TMEM144: variants seen among roughly 807,000 people sequenced by gnomAD.
TMEM144 encodes the protein transmembrane protein 144.
In TMEM144, 39 loss-of-function variants were observed where a neutral mutation model predicts 43.6. The ratio of observed to expected loss-of-function variants is 0.90; its 90% CI spans 0.69 to 1.17. TMEM144 has a LOEUF of 1.17. TMEM144 is among the 50% of genes most tolerant of loss of function. The pLI, the probability that TMEM144 is intolerant of heterozygous loss-of-function variation, is 0.00. For synonymous variants in TMEM144, 154 were observed against 133.6 expected, an observed-to-expected ratio of 1.15 and a Z score of -1.06; for missense variants, 417 against 411.9, an observed-to-expected ratio of 1.01 and a Z score of -0.11.
Position 158,253,855 on chromosome 4 carries a change from CA to C in TMEM144, c.*329del, listed in dbSNP as rs1662794171. 1 of 265,358 alleles carries C rather than the reference CA, an allele frequency of 3.8e-6. No homozygotes were observed. Among genetic ancestry groups the C allele is most frequent in the African/African-American group, 2.2e-5 (1 of 44,658 alleles). 16.4% of individuals were successfully genotyped at this position (265,358 alleles called of 1,614,324 possible). ...ACCTAGTGTTGCATAATCTAGAACA[CA>C]GTATAGAGTCCATATACAAAGAAGT... On this transcript the variant is annotated 3_prime_UTR_variant, in exon 13 of 13. Transcript: ENST00000296529.
intron 6 of TMEM144, among the ~76,000 whole-genome samples, chr4:158,232,424 G>A (rs569958154): frequency 3.9e-5 from 6 of 152,196 alleles, no homozygotes; most frequent in African/African-American, 1.4e-4. Context: ...GATTGGTAAG[G>A]TCAGAAGTGG....
chr4:158,228,881 C>T (rs1734915129), intron 6 of TMEM144, among the ~76,000 whole-genome samples: 1 of 152,102 alleles, frequency 6.6e-6, no homozygotes, highest in East Asian at 1.9e-4. Flanking sequence ...CAATTCCTGT[C>T]CCTTTTAAGG....
intron 12 of TMEM144, among the ~76,000 whole-genome samples, chr4:158,250,164 T>C (rs940105944): frequency 6.7e-6 from 1 of 148,638 alleles, no homozygotes; most frequent in Non-Finnish European, 1.5e-5. Flanking sequence ...GTTAGTAACA[T>C]AATTATTTGA....
intron 5 of TMEM144, 112 bp from the exon 6 acceptor site, chr4:158,219,198 G>T: frequency 1.0e-6 from 1 of 978,682 alleles, no homozygotes; most frequent in South Asian, 1.5e-5. Flanking sequence ...CAGCTAATAA[G>T]TGAGAGAGCT....
Position 158,215,180 on chromosome 4 carries a change from T to G in TMEM144, c.110-11T>G, listed in dbSNP as rs745361133. 1.2e-6 allele frequency: 2 copies of G among 1,613,552 alleles called. No homozygotes were observed. The highest frequency in any genetic ancestry group is 1.7e-6 in the Non-Finnish European group (2 of 1,179,548). ...ATTTGAACCACTAACACTGAGTTTGTTTATTTCTAGGAATGTTTCTCCAGT... is the reference window on the plus strand; with the variant it reads ...ATTTGAACCACTAACACTGAGTTTGGTTATTTCTAGGAATGTTTCTCCAGT... On this transcript the variant is annotated splice_polypyrimidine_tract_variant and intron_variant, in intron 3 of 12. Transcript: ENST00000296529.
chr4:158,249,063 C>T (rs567942841), intron 12 of TMEM144, among the ~76,000 whole-genome samples: 59 of 152,160 alleles, frequency 3.9e-4, no homozygotes, highest in African/African-American at 3.1e-4. Context: ...CCCGCCACCA[C>T]GCCCAGCTAA....
chr4:158,236,291 A>T (rs1011143937), intron 8 of TMEM144, among the ~76,000 whole-genome samples: 5 of 152,238 alleles, frequency 3.3e-5, no homozygotes, highest in Non-Finnish European at 7.3e-5. Flanking sequence ...TGAAAGAATA[A>T]CAAACAACAT....
intron 3 of TMEM144, 114 bp from the exon 4 acceptor site, chr4:158,215,077 A>C: frequency 7.7e-7 from 1 of 1,300,008 alleles, no homozygotes. Flanking sequence ...AGTCCATGGC[A>C]TATGGCATTT....
chr4:158,218,893 G>A (rs1395716434), intron 5 of TMEM144, among the ~76,000 whole-genome samples: 2 of 152,014 alleles, frequency 1.3e-5, no homozygotes, highest in African/African-American at 2.4e-5. Flanking sequence ...TTGGGAGATC[G>A]AGGTGGGTGG....
intron 9 of TMEM144, among the ~76,000 whole-genome samples, chr4:158,239,481 T>C (rs1394094890): frequency 6.6e-6 from 1 of 152,188 alleles, no homozygotes; most frequent in African/African-American, 2.4e-5. Flanking sequence ...TAATCAACAA[T>C]TGAATAAAGC....
chr4:158,219,287 G>C, intron 5 of TMEM144, 23 bp from the exon 6 acceptor site: 2 of 1,611,974 alleles, frequency 1.2e-6, no homozygotes, highest in Non-Finnish European at 1.7e-6. Context: ...TATTTAATTT[G>C]ATGTGACTTT....
intron 12 of TMEM144, among the ~76,000 whole-genome samples, chr4:158,249,641 C>T (rs1447543593): frequency 1.3e-5 from 2 of 152,138 alleles, no homozygotes; most frequent in South Asian, 2.1e-4. Context: ...AATAAAATAG[C>T]GCTTAGCAAT....
intron 12 of TMEM144, among the ~76,000 whole-genome samples, chr4:158,251,330 C>A (rs1192261284): frequency 1.3e-5 from 2 of 152,174 alleles, no homozygotes; most frequent in African/African-American, 4.8e-5. Context: ...CCCTCATTGG[C>A]AGAGCCAATG....
At chr4:158,249,157 G>A (rs921664400) in intron 12 of TMEM144, among the ~76,000 whole-genome samples, 17 of 152,070 alleles carry the variant, frequency 1.1e-4, no homozygotes, top group African/African-American at 2.9e-4. Flanking sequence ...TGCCCGCCTC[G>A]GCCTCCCAAA....
chr4:158,245,001 T>TA (rs1735815887), intron 12 of TMEM144, among the ~76,000 whole-genome samples: 1 of 149,392 alleles, frequency 6.7e-6, no homozygotes, highest in Admixed American at 6.7e-5. Context: ...AGATGAAAGA[T>TA]TTTTTTTTTA....
At chr4:158,245,260 GTGTA>G (rs10593385) in intron 12 of TMEM144, among the ~76,000 whole-genome samples, 12,759 of 57,432 alleles carry the variant, frequency 0.22, 666 homozygotes, top group African/African-American at 0.33. Context: ...GTGTGTGTGT[GTGTA>G]TGTATGTTTT....
At chr4:158,226,652 TTACATTCAGGAGGCCTAGC>T (rs1734784808) in intron 6 of TMEM144, among the ~76,000 whole-genome samples, 1 of 152,188 alleles carries the variant, frequency 6.6e-6, no homozygotes, top group Non-Finnish European at 1.5e-5. Flanking sequence ...TGTTTTTGTT[TTACATTCAGGAGGCCTAGC>T]TACTTTTAAA....
chr4:158,220,155 C>T (rs1734442230), intron 6 of TMEM144, among the ~76,000 whole-genome samples: 1 of 152,168 alleles, frequency 6.6e-6, no homozygotes, highest in Admixed American at 6.5e-5. Flanking sequence ...TGCCTTCCTT[C>T]AGCAATGATG....
Position 158,253,646 on chromosome 4 carries a change from G to T in TMEM144, c.*119G>T. ...TAGCAAATGGATCTCAGCCACTGTTGGAGTGGGTAAATGATTTTTTTCCCC... is the reference window on the plus strand; with the variant it reads ...TAGCAAATGGATCTCAGCCACTGTTTGAGTGGGTAAATGATTTTTTTCCCC... On this transcript the variant is annotated 3_prime_UTR_variant, in exon 13 of 13. Transcript: ENST00000296529. 2 of 735,708 alleles carry T rather than the reference G, an allele frequency of 2.7e-6. No individual in the cohort carries two copies. Among genetic ancestry groups the T allele is most frequent in the Middle Eastern group, 5.0e-4 (2 of 4,036 alleles). 45.6% of individuals were successfully genotyped at this position (735,708 alleles called of 1,614,324 possible).
Sources: allele counts gnomAD v4.1 joint callset (sites outside exome capture counted in the v4.1 genomes callset), GRCh38; gene constraint gnomAD v4.1.1; transcripts MANE v1.5; gene names NCBI Gene and HGNC (gene_info 2026-07-23, HGNC 2026-07-21).